The following CAMK2B variants were observed in gnomAD, a reference collection of about 807,000 sequenced individuals.
CAMK2B encodes the protein calcium/calmodulin dependent protein kinase II beta.
Under a neutral mutation model 93.7 loss-of-function variants are expected in CAMK2B, and 27 were observed. The observed-to-expected ratio is 0.29, with a 90% CI of 0.21 to 0.40. CAMK2B has a LOEUF of 0.40. Among genes scored for constraint, CAMK2B ranks in the 10% least tolerant of loss-of-function variants. The pLI is 1.00. For missense variants in CAMK2B, 568 were observed against 895.8 expected, an observed-to-expected ratio of 0.63 and a Z score of 4.67; for synonymous variants, 374 against 358.8, an observed-to-expected ratio of 1.04 and a Z score of -0.48.
chr7:44,227,716 TGTGGGGGA>T (rs2096527339), intron 19 of CAMK2B, among the ~76,000 whole-genome samples: 1 of 10,012 alleles, frequency 1.0e-4, no homozygotes, highest in African/African-American at 1.1e-3. Context: ...CCAAGGTGGG[TGTGGGGGA>T]CAGAGGGGTA....
intron 6 of CAMK2B, among the ~76,000 whole-genome samples, chr7:44,246,586 A>G (rs908977662): frequency 2.6e-5 from 4 of 152,144 alleles, no homozygotes; most frequent in African/African-American, 9.7e-5. Flanking sequence ...GTGCATGCAC[A>G]CATGCCATAT....
At chr7:44,281,172 G>A (rs2097099343) in intron 2 of CAMK2B, among the ~76,000 whole-genome samples, 1 of 152,254 alleles carries the variant, frequency 6.6e-6, no homozygotes, top group Non-Finnish European at 1.5e-5. Flanking sequence ...TCATCGCAGG[G>A]TGGCCGTGGG....
At chr7:44,231,571 G>A (rs985742412) in intron 16 of CAMK2B, among the ~76,000 whole-genome samples, 1 of 152,240 alleles carries the variant, frequency 6.6e-6, no homozygotes, top group African/African-American at 2.4e-5. Flanking sequence ...AGCAGCCGGT[G>A]TCATCCAAAA....
chr7:44,238,952 G>A (rs561570013), intron 13 of CAMK2B, among the ~76,000 whole-genome samples: 1 of 152,236 alleles, frequency 6.6e-6, no homozygotes, highest in African/African-American at 2.4e-5. Flanking sequence ...ACAGCCCAGA[G>A]GAGCAGGTGG....
rs1283463525 is a variant in CAMK2B, at chr7:44,229,685, A to G, written c.1226-184T>C. The G allele has an allele frequency of 1.7e-5, 8 of 483,874 alleles. No individual in the cohort carries two copies. The South Asian group carries it at 2.3e-4, about 14-fold the overall frequency. The allele number at this position is 483,874 out of a possible 1,614,324, so 30.0% of individuals were successfully genotyped here. A position where few individuals can be genotyped will look rare whatever the true frequency, so the allele number is the denominator to read the frequency against. On this transcript the variant is annotated intron_variant, in intron 17 of 23. Coordinates refer to ENST00000395749, the MANE Select transcript of CAMK2B (RefSeq NM_001220.5). ...TGGGCCTGTGGTGGCCGCAGCAGGT[A>G]TGTGAAGGCTGAAGGAGCCAACACG...
chr7:44,285,828 G>A (rs1275536195), intron 1 of CAMK2B, among the ~76,000 whole-genome samples: 1 of 113,856 alleles, frequency 8.8e-6, no homozygotes, highest in Non-Finnish European at 1.9e-5. Context: ...GAGGCGCGGC[G>A]GAGGGGGCGC....
chr7:44,308,635 T>C (rs1219796028), intron 1 of CAMK2B, among the ~76,000 whole-genome samples: 2 of 152,028 alleles, frequency 1.3e-5, no homozygotes, highest in Non-Finnish European at 2.9e-5. Flanking sequence ...GTGTCTACTT[T>C]GGGAAGATGA....
intron 2 of CAMK2B, among the ~76,000 whole-genome samples, chr7:44,276,460 G>A (rs975217273): frequency 1.3e-5 from 2 of 152,194 alleles, no homozygotes; most frequent in East Asian, 1.9e-4. Flanking sequence ...AGGGGTCCCA[G>A]GCAGGCAGGC....
chr7:44,308,443 C>G (rs1292161964), intron 1 of CAMK2B, among the ~76,000 whole-genome samples: 1 of 152,054 alleles, frequency 6.6e-6, no homozygotes, highest in Non-Finnish European at 1.5e-5. Context: ...ATCCCCCTGC[C>G]CCCGGCTCGC....
rs558157105 is a variant in CAMK2B at position 44,275,681 on chromosome 7, T to C, written c.160+8450A>G. The stretch of plus-strand genomic sequence containing the variant: ...CACACAGTGCTTATTTTACATCTTT[T>C]GATTGTAAATCATACTTAACTGCTA... On this transcript the variant is annotated intron_variant, in intron 2 of 23. Transcript: ENST00000395749. Among the ~76,000 whole-genome samples the C allele has an allele frequency of 9.2e-5, 14 of 152,366 alleles. No individual in the cohort carries two copies. In the South Asian group the frequency reaches 2.9e-3, roughly 32 times the overall value.
chr7:44,254,768 C>CCAACTACCATCAT (rs370941187), intron 4 of CAMK2B, among the ~76,000 whole-genome samples, 161 bp from the exon 5 acceptor site: 22 of 94 alleles, frequency 0.23, no homozygotes, highest in African/African-American at 0.34. Flanking sequence ...ATCATCACCA[C>CCAACTACCATCAT]CACCAACTAC....
chr7:44,240,505 C>T (rs905565697), intron 12 of CAMK2B, among the ~76,000 whole-genome samples: 9 of 152,198 alleles, frequency 5.9e-5, no homozygotes, highest in South Asian at 2.1e-4. Context: ...GTGATGGCCT[C>T]GGGGGGCTGG....
At chr7:44,308,339 T>G (rs1477737281) in intron 1 of CAMK2B, among the ~76,000 whole-genome samples, 1 of 152,126 alleles carries the variant, frequency 6.6e-6, no homozygotes, top group Non-Finnish European at 1.5e-5. Context: ...GGATGCCAGA[T>G]AGGAAGGCCC....
chr7:44,264,483 G>C (rs77233044), intron 2 of CAMK2B, among the ~76,000 whole-genome samples: 2 of 152,076 alleles, frequency 1.3e-5, no homozygotes, highest in African/African-American at 2.4e-5. Flanking sequence ...ACAGGCATTC[G>C]TCTCCCTGCC....
intron 6 of CAMK2B, 68 bp from the exon 7 acceptor site, chr7:44,243,595 G>T: frequency 3.1e-6 from 4 of 1,290,688 alleles, no homozygotes; most frequent in Non-Finnish European, 4.5e-6. Context: ...GGGGTTGGGT[G>T]GGGGGTTACA....
chr7:44,310,089 T>C (rs1471964231), intron 1 of CAMK2B, among the ~76,000 whole-genome samples: 1 of 152,210 alleles, frequency 6.6e-6, no homozygotes, highest in Admixed American at 6.5e-5. Flanking sequence ...GCGGGGGCGC[T>C]TTGGGAGTTA....
At chr7:44,232,638 G>T (rs2096590369) in intron 16 of CAMK2B, among the ~76,000 whole-genome samples, 184 bp downstream of exon 16, 1 of 152,210 alleles carries the variant, frequency 6.6e-6, no homozygotes, top group East Asian at 1.9e-4. Flanking sequence ...CGCGCCTGGG[G>T]CCTGAGCCAG....
chr7:44,267,474 G>A (rs909837675), intron 2 of CAMK2B, among the ~76,000 whole-genome samples: 2 of 152,164 alleles, frequency 1.3e-5, no homozygotes, highest in African/African-American at 4.8e-5. Context: ...GAACTCATGA[G>A]TTCAACCAGC....
intron 13 of CAMK2B, among the ~76,000 whole-genome samples, chr7:44,235,818 C>T (rs900170257): frequency 6.6e-6 from 1 of 152,200 alleles, no homozygotes; most frequent in African/African-American, 2.4e-5. Flanking sequence ...CACAGCAATC[C>T]CCCATCCCTC....
Sources: allele counts gnomAD v4.1 joint callset (sites outside exome capture counted in the v4.1 genomes callset), GRCh38; gene constraint gnomAD v4.1.1; transcripts MANE v1.5; gene names NCBI Gene and HGNC (gene_info 2026-07-23, HGNC 2026-07-21).